The following FSTL5 variants were observed in gnomAD, a reference collection of about 807,000 sequenced individuals.
The protein encoded by FSTL5 is follistatin like 5.
In FSTL5, 62 loss-of-function variants were observed where a neutral mutation model predicts 89.1. The observed-to-expected ratio is 0.70, with a 90% CI of 0.57 to 0.86. The LOEUF is 0.86. Among genes scored for constraint, FSTL5 ranks in the 40% least tolerant of loss-of-function variants. The pLI is 0.00. For synonymous variants in FSTL5, 383 were observed against 346.2 expected, an observed-to-expected ratio of 1.11 and a Z score of -1.18; for missense variants, 1,057 against 1,001.6, an observed-to-expected ratio of 1.06 and a Z score of -0.75.
At chr4:161,967,844 T>C (rs978267411) in intron 3 of FSTL5, among the ~76,000 whole-genome samples, 1 of 152,010 alleles carries the variant, frequency 6.6e-6, no homozygotes, top group African/African-American at 2.4e-5. Flanking sequence ...GACTGAGGAA[T>C]CTCAAATATC....
chr4:162,124,781 C>T (rs1732008223), intron 1 of FSTL5, among the ~76,000 whole-genome samples: 1 of 152,156 alleles, frequency 6.6e-6, no homozygotes, highest in Non-Finnish European at 1.5e-5. Context: ...CTCACTGCAA[C>T]CTCGGCCCTC....
rs577613822 is a variant in FSTL5 at position 161,431,342 on chromosome 4, C to A, written c.1841+23662G>T. Among the ~76,000 whole-genome samples the A allele has an allele frequency of 4.6e-5, 7 of 151,844 alleles. 1 individual carries two copies. In the South Asian group the frequency reaches 1.5e-3, roughly 32 times the overall value. On this transcript the variant is annotated intron_variant, in intron 15 of 15. Transcript: ENST00000306100. The stretch of plus-strand genomic sequence containing the variant: ...AAAATGTAAGGCTTTTACTAGTTTT[C>A]TCTATGATTGTTAGTTTGATTATTT...
chr4:161,828,075 T>A (rs1730721656), intron 4 of FSTL5, among the ~76,000 whole-genome samples: 1 of 152,210 alleles, frequency 6.6e-6, no homozygotes. Context: ...CAAGGACCTC[T>A]GTGAGATAAA....
intron 6 of FSTL5, among the ~76,000 whole-genome samples, chr4:161,673,913 A>G (rs2126701027): frequency 6.6e-6 from 1 of 152,118 alleles, no homozygotes; most frequent in South Asian, 2.1e-4. Flanking sequence ...AATGTCAATA[A>G]AAAAGCATTC....
intron 4 of FSTL5, among the ~76,000 whole-genome samples, chr4:161,824,878 C>T (rs1387804133): frequency 6.6e-6 from 1 of 151,662 alleles, no homozygotes; most frequent in African/African-American, 2.4e-5. Flanking sequence ...TTTGGATGCC[C>T]TTTATTTCTT....
At chr4:161,638,875 T>C (rs564149787) in intron 7 of FSTL5, among the ~76,000 whole-genome samples, 77 of 137,364 alleles carry the variant, frequency 5.6e-4, no homozygotes, top group African/African-American at 1.9e-3. Context: ...ATCCAGCATA[T>C]AAACAGAGCC....
At chr4:161,957,172 T>C (rs1460276206) in intron 3 of FSTL5, among the ~76,000 whole-genome samples, 1 of 151,996 alleles carries the variant, frequency 6.6e-6, no homozygotes, top group Non-Finnish European at 1.5e-5. Flanking sequence ...AATACATGGT[T>C]GGGATTTAAT....
intron 6 of FSTL5, among the ~76,000 whole-genome samples, chr4:161,724,198 A>G (rs938501990): frequency 6.6e-6 from 1 of 152,146 alleles, no homozygotes; most frequent in Admixed American, 6.6e-5. Context: ...ACAAAAACTA[A>G]AAGAAAATGC....
intron 13 of FSTL5, 121 bp from the exon 14 acceptor site, chr4:161,459,440 A>T: frequency 1.7e-6 from 1 of 582,948 alleles, no homozygotes; most frequent in Non-Finnish European, 3.0e-6. Flanking sequence ...CCAAATATAT[A>T]ATTTCCTTAG....
At chr4:161,860,272 A>T (rs1016428130) in intron 4 of FSTL5, among the ~76,000 whole-genome samples, 3 of 147,614 alleles carry the variant, frequency 2.0e-5, no homozygotes, top group African/African-American at 7.5e-5. Flanking sequence ...TAGGCGACAG[A>T]GCGAGACTCC....
At chr4:162,130,012 T>C (rs1732234426) in intron 1 of FSTL5, among the ~76,000 whole-genome samples, 1 of 152,156 alleles carries the variant, frequency 6.6e-6, no homozygotes, top group Non-Finnish European at 1.5e-5. Context: ...AATAGAATTC[T>C]AAAGAGCCTA....
intron 4 of FSTL5, among the ~76,000 whole-genome samples, chr4:161,860,920 C>T (rs1360330797): frequency 6.6e-6 from 1 of 152,112 alleles, no homozygotes; most frequent in Non-Finnish European, 1.5e-5. Context: ...CTCTCACACA[C>T]ACACACATGC....
chr4:161,857,947 A>G (rs1022678538), intron 4 of FSTL5, among the ~76,000 whole-genome samples: 4 of 152,182 alleles, frequency 2.6e-5, no homozygotes, highest in Non-Finnish European at 5.9e-5. Context: ...ACCAAATTCA[A>G]AGTTGTTCTG....
At chr4:161,449,946 T>G (rs1733105209) in intron 15 of FSTL5, among the ~76,000 whole-genome samples, 1 of 152,192 alleles carries the variant, frequency 6.6e-6, no homozygotes, top group South Asian at 2.1e-4. Context: ...CTTCTGCTAA[T>G]TCTTGCATTT....
chr4:161,453,738 A>G (rs1578985653), intron 15 of FSTL5, among the ~76,000 whole-genome samples: 3 of 151,984 alleles, frequency 2.0e-5, no homozygotes. Context: ...GGGACTACAG[A>G]CATGCACCAC....
chr4:161,555,732 T>C (rs1732364038), intron 8 of FSTL5, among the ~76,000 whole-genome samples: 1 of 151,634 alleles, frequency 6.6e-6, no homozygotes, highest in South Asian at 2.1e-4. Context: ...CTCTGGTAAA[T>C]TCCCAGCCCA....
chr4:161,998,735 GCAAATGGAAA>G (rs760587826), intron 3 of FSTL5, among the ~76,000 whole-genome samples: 9 of 152,022 alleles, frequency 5.9e-5, no homozygotes, highest in Admixed American at 1.3e-4. Flanking sequence ...TATTCACCAT[GCAAATGGAAA>G]CTTAAATAGT....
chr4:161,496,696 C>A (rs1730085653), intron 12 of FSTL5, among the ~76,000 whole-genome samples: 1 of 151,916 alleles, frequency 6.6e-6, no homozygotes, highest in Non-Finnish European at 1.5e-5. Flanking sequence ...CTGGCAAACC[C>A]TACAAATTTT....
chr4:161,459,578 TTTTG>T (rs1395092524), intron 13 of FSTL5, among the ~76,000 whole-genome samples: 6 of 152,266 alleles, frequency 3.9e-5, no homozygotes, highest in Middle Eastern at 3.4e-3. Flanking sequence ...ATGATAAATA[TTTTG>T]TTTATCATTT....
Sources: allele counts gnomAD v4.1 joint callset (sites outside exome capture counted in the v4.1 genomes callset), GRCh38; gene constraint gnomAD v4.1.1; transcripts MANE v1.5; gene names NCBI Gene and HGNC (gene_info 2026-07-23, HGNC 2026-07-21).